KLF12: variants seen among roughly 807,000 people sequenced by gnomAD.
KLF12 encodes KLF transcription factor 12, also known as Krueppel-like factor 12.
In KLF12, 9 loss-of-function variants were observed where a neutral mutation model predicts 37.8. The ratio of observed to expected loss-of-function variants is 0.24; its 90% CI spans 0.14 to 0.42. KLF12 has a LOEUF of 0.42. KLF12 is among the 10% of genes least tolerant of loss of function. The probability of loss-of-function intolerance (pLI) is 1.00; values close to 1 mark genes in which losing one functional copy is unlikely to be tolerated. For missense variants in KLF12, 411 were observed against 516.0 expected (o/e 0.80, Z 1.97); for synonymous variants, 208 against 202.1 (o/e 1.03, Z -0.25).
intron 3 of KLF12, among the ~76,000 whole-genome samples, chr13:73,936,235 T>C (rs899047741): frequency 2.0e-4 from 30 of 152,202 alleles, no homozygotes; most frequent in African/African-American, 7.2e-4. Flanking sequence ...TTGGAGTGCA[T>C]TTTTGTTCTG....
rs1415274026 is a variant in KLF12, at chr13:74,121,536, T to C, written c.-32+12203A>G. Among the ~76,000 whole-genome samples, 3 of 152,188 alleles carry C rather than the reference T, an allele frequency of 2.0e-5. No homozygotes were observed. In the East Asian group the frequency reaches 5.8e-4, roughly 29 times the overall value. On this transcript the variant is annotated intron_variant, in intron 1 of 7. Transcript: ENST00000377669. ...GCTATGCATAAGATCAAAGCTTATG[T>C]AAGCAATGCATATTTTTGAAATATA...
chr13:73,792,105 G>A (rs1881718099), intron 5 of KLF12, among the ~76,000 whole-genome samples: 1 of 152,120 alleles, frequency 6.6e-6, no homozygotes, highest in African/African-American at 2.4e-5. Context: ...CTATGGCACA[G>A]ACAGTAGGTT....
At chr13:73,843,644 G>T (rs1449151653) in intron 4 of KLF12, among the ~76,000 whole-genome samples, 1 of 151,942 alleles carries the variant, frequency 6.6e-6, no homozygotes, top group African/African-American at 2.4e-5. Flanking sequence ...TAATCTTCTA[G>T]GCTAGATCAT....
At chr13:74,104,895 C>A (rs564624854) in intron 1 of KLF12, among the ~76,000 whole-genome samples, 1 of 152,074 alleles carries the variant, frequency 6.6e-6, no homozygotes, top group African/African-American at 2.4e-5. Context: ...TAGGTTCCCC[C>A]CTCCCCCGCG....
chr13:74,232,433 TCA>T, the KLF12 span, among the ~76,000 whole-genome samples: 2 of 152,230 alleles, frequency 1.3e-5, no homozygotes, highest in African/African-American at 4.8e-5. Flanking sequence ...GATAATTTAT[TCA>T]TTCATATATG....
chr13:73,941,604 C>T (rs1438529548), intron 3 of KLF12, among the ~76,000 whole-genome samples: 5 of 152,128 alleles, frequency 3.3e-5, no homozygotes, highest in East Asian at 1.9e-4. Context: ...TAACACCCAA[C>T]GCATCTTCTC....
intron 1 of KLF12, among the ~76,000 whole-genome samples, chr13:74,132,834 G>A (rs1427347128): frequency 3.9e-5 from 6 of 152,126 alleles, no homozygotes; most frequent in Non-Finnish European, 7.4e-5. Flanking sequence ...AAAGATAAAA[G>A]TTTTCAAAGT....
intron 1 of KLF12, among the ~76,000 whole-genome samples, chr13:74,066,956 AC>A (rs1454251053): frequency 6.6e-6 from 1 of 152,180 alleles, no homozygotes; most frequent in Non-Finnish European, 1.5e-5. Context: ...CCCAAGATAA[AC>A]ATCTGCTAAG....
intron 3 of KLF12, among the ~76,000 whole-genome samples, chr13:73,849,009 C>T (rs1448653630): frequency 6.6e-6 from 1 of 152,120 alleles, no homozygotes; most frequent in African/African-American, 2.4e-5. Context: ...ACACTAATCT[C>T]TTATGCAATG....
At chr13:74,298,932 A>G in the KLF12 span, among the ~76,000 whole-genome samples, 1 of 152,256 alleles carries the variant, frequency 6.6e-6, no homozygotes, top group South Asian at 2.1e-4. Context: ...CCCTCAGTCT[A>G]CTATATTTGT....
chr13:73,977,897 T>C (rs1034735719), intron 2 of KLF12, among the ~76,000 whole-genome samples: 8 of 152,342 alleles, frequency 5.3e-5, no homozygotes, highest in African/African-American at 1.9e-4. Flanking sequence ...CAAATGGTGC[T>C]GGAACAACTT....
At chr13:73,847,502 T>C (rs1358053904) in intron 3 of KLF12, among the ~76,000 whole-genome samples, 5 of 152,044 alleles carry the variant, frequency 3.3e-5, no homozygotes, top group Non-Finnish European at 5.9e-5. Flanking sequence ...CTTTTTAAAA[T>C]AGAATATAAA....
chr13:73,948,335 C>G (rs973531826), intron 2 of KLF12, among the ~76,000 whole-genome samples: 14 of 152,138 alleles, frequency 9.2e-5, no homozygotes, highest in Admixed American at 8.5e-4. Flanking sequence ...AATTCTTGTG[C>G]CTCAGCATCC....
chr13:74,247,058 C>G, the KLF12 span, among the ~76,000 whole-genome samples: 1 of 152,108 alleles, frequency 6.6e-6, no homozygotes, highest in Admixed American at 6.5e-5. Context: ...TCTTATTGTA[C>G]TAATAATGAA....
chr13:74,116,872 A>C (rs1022359635), intron 1 of KLF12, among the ~76,000 whole-genome samples: 4 of 152,158 alleles, frequency 2.6e-5, no homozygotes, highest in African/African-American at 7.2e-5. Flanking sequence ...AAACATCCCT[A>C]ATATCCCACC....
At chr13:73,818,428 T>A (rs190658779) in intron 4 of KLF12, among the ~76,000 whole-genome samples, 1 of 152,234 alleles carries the variant, frequency 6.6e-6, no homozygotes, top group East Asian at 1.9e-4. Flanking sequence ...TCAGCTCACA[T>A]GAGACATTTA....
chr13:74,204,783 A>C, the KLF12 span, among the ~76,000 whole-genome samples: 1 of 152,088 alleles, frequency 6.6e-6, no homozygotes, highest in Admixed American at 6.6e-5. Flanking sequence ...CAGGAATTCG[A>C]GGTTGGTGGA....
chr13:74,173,763 T>C, the KLF12 span, among the ~76,000 whole-genome samples: 1 of 152,198 alleles, frequency 6.6e-6, no homozygotes, highest in Non-Finnish European at 1.5e-5. Context: ...TCCAGACCAA[T>C]ATAATTCTCC....
chr13:73,924,293 T>C (rs1889270635), intron 3 of KLF12, among the ~76,000 whole-genome samples: 1 of 152,132 alleles, frequency 6.6e-6, no homozygotes, highest in Non-Finnish European at 1.5e-5. Flanking sequence ...AATTTTAGGT[T>C]TAGGGCAACC....
Sources: allele counts gnomAD v4.1 joint callset (sites outside exome capture counted in the v4.1 genomes callset), GRCh38; gene constraint gnomAD v4.1.1; transcripts MANE v1.5; gene names NCBI Gene and HGNC (gene_info 2026-07-23, HGNC 2026-07-21).